The following KAZN variants were observed in gnomAD, a reference collection of about 807,000 sequenced individuals.
KAZN encodes the protein kazrin.
A neutral mutation model predicts 87.4 loss-of-function variants in KAZN; 40 were observed. The observed-to-expected ratio is 0.46, with a 90% CI of 0.36 to 0.60. KAZN has a LOEUF of 0.60. KAZN is among the 20% of genes least tolerant of loss of function. The probability of loss-of-function intolerance (pLI) is 0.00; values close to 1 mark genes in which losing one functional copy is unlikely to be tolerated. For synonymous variants in KAZN, 466 were observed against 458.3 expected (o/e 1.02, Z -0.22); for missense variants, 898 against 1,073.9 (o/e 0.84, Z 2.29).
chr1:14,619,320 C>T (rs543425802), intron 1 of KAZN, among the ~76,000 whole-genome samples: 1 of 152,054 alleles, frequency 6.6e-6, no homozygotes, highest in Admixed American at 6.5e-5. Context: ...ACCTCAGCCT[C>T]CTAAGTAGCT....
intron 2 of KAZN, among the ~76,000 whole-genome samples, chr1:14,348,316 T>C (rs1658266585): frequency 6.6e-6 from 1 of 152,146 alleles, no homozygotes; most frequent in Admixed American, 6.5e-5. Flanking sequence ...CCTCTCCAAA[T>C]GCTGGAATTA....
chr1:14,959,827 G>A lies in KAZN; in HGVS notation c.227-857G>A, dbSNP rs555773557. ...TGTGTCTATCCGCCCGCAGGACTGA[G>A]AAGCTGACAATACCTTGGTTGACAC... is the stretch of plus-strand genomic sequence containing the variant. On this transcript the variant is annotated intron_variant, in intron 1 of 14. Coordinates refer to ENST00000376030, the MANE Select transcript of KAZN (RefSeq NM_201628.3). Among the ~76,000 whole-genome samples the A allele has an allele frequency of 7.9e-5, 12 of 152,290 alleles. No individual in the cohort carries two copies. In the East Asian group the frequency reaches 2.3e-3, roughly 29 times the overall value.
chr1:14,578,439 A>G (rs1462717478), intron 2 of KAZN, among the ~76,000 whole-genome samples: 1 of 152,196 alleles, frequency 6.6e-6, no homozygotes, highest in African/African-American at 2.4e-5. Flanking sequence ...ACTAACTGAC[A>G]GAATTTTTAG....
intron 1 of KAZN, among the ~76,000 whole-genome samples, chr1:14,625,307 G>C (rs1039165692): frequency 2.6e-5 from 4 of 152,150 alleles, no homozygotes; most frequent in African/African-American, 9.7e-5. Flanking sequence ...AGCCTCCACA[G>C]TATACTAGAT....
Position 14,952,579 on chromosome 1 carries a change from G to A in KAZN, c.227-8105G>A, listed in dbSNP as rs185681058. 4.5e-3 allele frequency among the ~76,000 whole-genome samples: 681 copies of A among 152,112 alleles called. 7 individuals are homozygous for A. Among genetic ancestry groups the A allele is most frequent in the Non-Finnish European group, 8.2e-3 (556 of 68,008 alleles). ...TTGTGTTCAGTGAGTTTTGATATTT[G>A]GGCGTGAGGCTGTTGATCAGGGTGT... On this transcript the variant is annotated intron_variant, in intron 1 of 14. Coordinates refer to ENST00000376030, the MANE Select transcript of KAZN (RefSeq NM_201628.3).
chr1:14,600,657 G>T (rs2148598206), intron 1 of KAZN, among the ~76,000 whole-genome samples: 1 of 98,404 alleles, frequency 1.0e-5, no homozygotes, highest in South Asian at 3.7e-4. Flanking sequence ...TTCTCCACTG[G>T]AACCTGTGCA....
chr1:13,911,590 G>A (rs1639653147), intron 1 of KAZN, among the ~76,000 whole-genome samples: 1 of 152,150 alleles, frequency 6.6e-6, no homozygotes, highest in Admixed American at 6.5e-5. Flanking sequence ...AGATTCTCCT[G>A]TTTTCTGATG....
At chr1:14,437,398 C>T (rs1370186320) in intron 2 of KAZN, among the ~76,000 whole-genome samples, 15 of 152,198 alleles carry the variant, frequency 9.9e-5, no homozygotes, top group South Asian at 2.1e-4. Flanking sequence ...CTCGCTGAGG[C>T]TGGTGCACAA....
intron 2 of KAZN, among the ~76,000 whole-genome samples, chr1:14,987,030 T>C (rs1466617818): frequency 6.6e-6 from 1 of 152,136 alleles, no homozygotes; most frequent in Non-Finnish European, 1.5e-5. Context: ...CGAGTCCTGG[T>C]GGGCAGAGCA....
Position 14,773,629 on chromosome 1 carries a change from G to A in KAZN, c.226+174406G>A, listed in dbSNP as rs772819869. 1.3e-4 allele frequency among the ~76,000 whole-genome samples: 20 copies of A among 152,256 alleles called. No homozygotes were observed. The highest frequency in any genetic ancestry group is 8.5e-4 in the Admixed American group (13 of 15,302). On this transcript the variant is annotated intron_variant, in intron 1 of 14. Coordinates refer to ENST00000376030, the MANE Select transcript of KAZN (RefSeq NM_201628.3). The surrounding 1 kb of genome is among the most constrained non-coding windows in gnomAD (Gnocchi z 5.9). ...AAATGAGGTCAGGCACCCGCCACCCGGTTCTCCTTCTTCCTCTTCTAAAAC... is the reference window on the plus strand; with the variant it reads ...AAATGAGGTCAGGCACCCGCCACCCAGTTCTCCTTCTTCCTCTTCTAAAAC...
chr1:14,197,121 G>C (rs777629231), intron 2 of KAZN, among the ~76,000 whole-genome samples: 1 of 151,950 alleles, frequency 6.6e-6, no homozygotes, highest in Non-Finnish European at 1.5e-5. Context: ...AATGGGGAGG[G>C]GGGTAGAGAT....
chr1:13,934,192 G>A (rs1446801659), intron 1 of KAZN, among the ~76,000 whole-genome samples: 2 of 152,230 alleles, frequency 1.3e-5, no homozygotes, highest in Admixed American at 1.3e-4. Flanking sequence ...AGCAACTGCT[G>A]CCTCTCTCTG....
intron 1 of KAZN, among the ~76,000 whole-genome samples, chr1:14,654,287 C>CAAAAAA (rs140822403): frequency 2.5e-5 from 2 of 80,348 alleles, no homozygotes; most frequent in African/African-American, 4.4e-5. Flanking sequence ...GGCTTCGTCT[C>CAAAAAA]AAAAAAAAAA....
At chr1:14,921,585 G>A (rs1266423125) in intron 1 of KAZN, among the ~76,000 whole-genome samples, 4 of 152,128 alleles carry the variant, frequency 2.6e-5, no homozygotes, top group African/African-American at 9.7e-5. Flanking sequence ...CCTCTACAGG[G>A]GCCGGTGGCC....
intron 2 of KAZN, among the ~76,000 whole-genome samples, chr1:14,337,893 CA>C (rs34909839): frequency 0.18 from 17,995 of 100,564 alleles, 1,025 homozygotes; most frequent in East Asian, 0.45. Context: ...GACTCTGTCT[CA>C]AAAAAAAAAA....
rs572769653 is a variant in KAZN, at chr1:14,298,616, T to A, written c.249+118024T>A. ...ATTACTTCAGGTATTATTTTTAGTT[T>A]GCAGACTAAAAGTTTGGAAAGGAAT... On this transcript the variant is annotated intron_variant, in intron 2 of 16. Coordinates refer to the KAZN transcript ENST00000636203. Among the ~76,000 whole-genome samples the A allele has an allele frequency of 3.9e-5, 6 of 152,340 alleles. No homozygotes were observed. The East Asian group carries it at 9.6e-4, about 24-fold the overall frequency.
intron 2 of KAZN, among the ~76,000 whole-genome samples, chr1:14,449,335 C>A (rs1470484010): frequency 6.6e-6 from 1 of 152,156 alleles, no homozygotes; most frequent in Admixed American, 6.5e-5. Flanking sequence ...TGGCCTTATC[C>A]ACCTCTACCA....
chr1:14,525,349 C>T (rs1671806670), intron 2 of KAZN, among the ~76,000 whole-genome samples: 1 of 152,120 alleles, frequency 6.6e-6, no homozygotes, highest in African/African-American at 2.4e-5. Context: ...CAACTTTTTT[C>T]TGTAAAGGGC....
At chr1:14,501,782 TG>T (rs1287248966) in intron 2 of KAZN, among the ~76,000 whole-genome samples, 1 of 152,160 alleles carries the variant, frequency 6.6e-6, no homozygotes, top group Non-Finnish European at 1.5e-5. Flanking sequence ...ATCTAAGCAA[TG>T]GAAGATTATT....
Sources: gnomAD v4.1 joint callset for allele counts (sites outside exome capture counted in the v4.1 genomes callset) on GRCh38, gnomAD v4.1.1 for gene constraint, Gnocchi (gnomAD v3.1) non-coding constraint, MANE v1.5 for transcripts, NCBI Gene and HGNC (gene_info 2026-07-23, HGNC 2026-07-21) for gene names.